The following MYH13 variants were observed in gnomAD, a reference collection of about 807,000 sequenced individuals.
The protein encoded by MYH13 is myosin heavy chain 13.
MYH13 carries 177 observed loss-of-function variants against 232.1 expected under a neutral mutation model. The observed-to-expected ratio is 0.76, with a 90% CI of 0.67 to 0.86. The LOEUF is 0.86. Among genes scored for constraint, MYH13 ranks in the 40% least tolerant of loss-of-function variants. The pLI is 0.00. For synonymous variants in MYH13, 884 were observed against 923.5 expected (o/e 0.96, Z 0.78); for missense variants, 2,246 against 2,405.9 (o/e 0.93, Z 1.39).
At chr17:10,369,239 G>A (rs1354496877) in intron 2 of MYH13, among the ~76,000 whole-genome samples, 3 of 152,066 alleles carry the variant, frequency 2.0e-5, no homozygotes, top group African/African-American at 7.2e-5. Flanking sequence ...GGATAAATTT[G>A]TAAAAAATAT....
Position 10,326,981 on chromosome 17 carries a change from GTTTTTTT to G in MYH13, c.2691+878_2691+884del, listed in dbSNP as rs61543278. 6.3e-3 allele frequency among the ~76,000 whole-genome samples: 350 copies of G among 55,820 alleles called. 96 individuals are homozygous for G. Among genetic ancestry groups the G allele is most frequent in the Middle Eastern group, 0.023 (2 of 86 alleles). The allele number at this position is 55,820 out of a possible 152,430, so 36.6% of individuals were successfully genotyped here. A position where few individuals can be genotyped will look rare whatever the true frequency, so the allele number is the denominator to read the frequency against. The stretch of plus-strand genomic sequence containing the variant: ...GAGACATGCACCACCATGCCTACTA[GTTTTTTT>G]TTTTTTTTTTTTTTTTTTTTTTTTT... On this transcript the variant is annotated intron_variant, in intron 22 of 40. Coordinates refer to ENST00000252172, the MANE Select transcript of MYH13 (RefSeq NM_003802.3).
intron 18 of MYH13, among the ~76,000 whole-genome samples, chr17:10,335,661 A>C (rs2071567739): frequency 1.3e-5 from 2 of 152,122 alleles, no homozygotes; most frequent in African/African-American, 4.8e-5. Context: ...AGGCTGAGGC[A>C]GGAGGATTGC....
intron 9 of MYH13, 38 bp from the exon 10 acceptor site, chr17:10,355,031 G>A: frequency 6.2e-7 from 1 of 1,610,634 alleles, no homozygotes; most frequent in Non-Finnish European, 8.5e-7. Flanking sequence ...AGGCTCCCAA[G>A]AGATGCTTTT....
At chr17:10,323,780 AAAAAAAAAAGAAGAAGAAGAAG>A (rs1226317234) in intron 23 of MYH13, among the ~76,000 whole-genome samples, 16 of 59,464 alleles carry the variant, frequency 2.7e-4, no homozygotes, top group African/African-American at 4.7e-4. Flanking sequence ...AAAAAAAAAA[AAAAAAAAAAGAAGAAGAAGAAG>A]AAGAAGAAGA....
At chr17:10,349,198 G>A (rs765220516) in intron 12 of MYH13, among the ~76,000 whole-genome samples, 1 of 152,030 alleles carries the variant, frequency 6.6e-6, no homozygotes, top group Non-Finnish European at 1.5e-5. Flanking sequence ...CACCTCCCGG[G>A]ATCAAGTGAT....
intron 22 of MYH13, among the ~76,000 whole-genome samples, chr17:10,326,981 GTTTTTTTTTTTTTTTT>G (rs61543278): frequency 0.014 from 789 of 55,816 alleles, 150 homozygotes; most frequent in African/African-American, 0.057. Flanking sequence ...ATGCCTACTA[GTTTTTTTTTTTTTTTT>G]TTTTTTTTTT....
rs1209809262 is a variant in MYH13, at chr17:10,327,088, G to A, written c.2691+778C>T. Among the ~76,000 whole-genome samples, 20 of 29,630 alleles carry A rather than the reference G, an allele frequency of 6.7e-4. 5 individuals are homozygous for A. In the Admixed American group the frequency reaches 0.01, roughly 15 times the overall value. The allele number at this position is 29,630 out of a possible 152,430, so 19.4% of individuals were successfully genotyped here. ...GCGATCTCAGCTCACTGCAAGCTCCGCCTCCCAGGTTCACGCCATTCTCCT... is the reference window on the plus strand; with the variant it reads ...GCGATCTCAGCTCACTGCAAGCTCCACCTCCCAGGTTCACGCCATTCTCCT... On this transcript the variant is annotated intron_variant, in intron 22 of 40. Transcript: ENST00000252172.
intron 20 of MYH13, among the ~76,000 whole-genome samples, chr17:10,331,386 C>A (rs940734715): frequency 3.9e-5 from 6 of 152,170 alleles, no homozygotes; most frequent in African/African-American, 1.4e-4. Context: ...TTGAAGCTGA[C>A]CTTTGCCACT....
In MYH13 at chr17:10,340,251, C is replaced by A; in HGVS notation, c.1969-14G>T. On this transcript the variant is annotated splice_polypyrimidine_tract_variant and intron_variant, in intron 17 of 40. Coordinates refer to ENST00000252172, the MANE Select transcript of MYH13 (RefSeq NM_003802.3). The stretch of plus-strand genomic sequence containing the variant: ...GTTTAAATTTTCCTGGGACATAAAC[C>A]AAAACAAGCACATTTAGCAACTGCC... The A allele has an allele frequency of 6.2e-7, 1 of 1,613,630 alleles. No individual in the cohort carries two copies.
At chr17:10,341,224 G>A (rs940025700) in intron 16 of MYH13, 3 of 151,918 alleles carry the variant, frequency 2.0e-5, no homozygotes, top group Non-Finnish European at 2.9e-5. Context: ...TGTATTTTTA[G>A]TAGAGATGTT....
intron 18 of MYH13, among the ~76,000 whole-genome samples, chr17:10,339,639 A>C (rs74862778): frequency 7.2e-5 from 11 of 152,222 alleles, no homozygotes; most frequent in South Asian, 4.1e-4. Flanking sequence ...GCCTATATAC[A>C]TACACACAAT....
intron 2 of MYH13, 115 bp from the exon 3 acceptor site, chr17:10,364,657 A>G (rs2071819773): frequency 1.0e-5 from 9 of 884,816 alleles, no homozygotes; most frequent in Non-Finnish European, 1.6e-5. Context: ...TAGATTGAAC[A>G]TAGGTCCTGA....
intron 19 of MYH13, among the ~76,000 whole-genome samples, chr17:10,332,666 G>A (rs1907450541): frequency 6.6e-6 from 1 of 152,190 alleles, no homozygotes; most frequent in African/African-American, 2.4e-5. Context: ...TCAGCTGGGT[G>A]TGATTTGGCA....
At chr17:10,326,981 GTTTTTTTTTTTTTTTTTTTTTTT>G (rs61543278) in intron 22 of MYH13, among the ~76,000 whole-genome samples, 14 of 55,808 alleles carry the variant, frequency 2.5e-4, no homozygotes, top group Non-Finnish European at 3.9e-4. Context: ...ATGCCTACTA[GTTTTTTTTTTTTTTTTTTTTTTT>G]TTTTTTTTTT....
intron 2 of MYH13, among the ~76,000 whole-genome samples, chr17:10,366,642 A>G (rs1008835575): frequency 6.6e-6 from 1 of 152,076 alleles, no homozygotes; most frequent in Non-Finnish European, 1.5e-5. Context: ...TGGCCTCCCA[A>G]AGTGCTGGGA....
chr17:10,324,059 G>A lies in MYH13; in HGVS notation c.2897C>T (p.Thr966Met), dbSNP rs775127686. Residue 966 changes from threonine to methionine, a missense_variant, in exon 23 of 41, where the codon ACG becomes ATG. Thr to Met is a moderately conservative substitution (Grantham distance 81, BLOSUM62 -1). Coordinates refer to ENST00000252172, the MANE Select transcript of MYH13 (RefSeq NM_003802.3). ...GGCATGCTTCTCCTTTTCAACTTTCGTCAAGGTCAGCTCCAGGTCATCAAT... is the reference window on the plus strand; with the variant it reads ...GGCATGCTTCTCCTTTTCAACTTTCATCAAGGTCAGCTCCAGGTCATCAAT... ...RDIDDLELTL[T>M]KVEKEKHATE... 32 of 1,613,950 alleles carry A rather than the reference G, an allele frequency of 2.0e-5. No homozygotes were observed. Among genetic ancestry groups the A allele is most frequent in the South Asian group, 9.9e-5 (9 of 91,066 alleles).
intron 2 of MYH13, among the ~76,000 whole-genome samples, chr17:10,370,244 A>C (rs1277166557): frequency 6.6e-6 from 1 of 152,172 alleles, no homozygotes; most frequent in African/African-American, 2.4e-5. Context: ...AAAGCCCCTC[A>C]ATCCTCTCCG....
chr17:10,372,833 C>T (rs2071887027), intron 1 of MYH13, 146 bp downstream of exon 1: 1 of 152,152 alleles, frequency 6.6e-6, no homozygotes, highest in African/African-American at 2.4e-5. Context: ...TCCATCTTGT[C>T]TCCAACCTTG....
At chr17:10,312,785 C>T (rs1297218598) in intron 30 of MYH13, 28 bp from the exon 31 acceptor site, 5 of 1,593,298 alleles carry the variant, frequency 3.1e-6, no homozygotes, top group African/African-American at 1.3e-5. Flanking sequence ...TTTTTTTCCC[C>T]TTCGCAAAGG....
Sources: gnomAD v4.1 joint callset for allele counts (sites outside exome capture counted in the v4.1 genomes callset) on GRCh38, gnomAD v4.1.1 for gene constraint, MANE v1.5 for transcripts, NCBI Gene and HGNC (gene_info 2026-07-23, HGNC 2026-07-21) for gene names.